Variants in XIRP2 observed in about 807,000 individuals in gnomAD.
XIRP2 encodes xin actin binding repeat containing 2.
XIRP2 carries 236 observed loss-of-function variants against 277.0 expected under a neutral mutation model. That is an observed-to-expected ratio of 0.85 (90% CI 0.77 to 0.95). XIRP2 has a LOEUF of 0.95. Ranked by LOEUF, XIRP2 falls within the 40% of genes least tolerant of loss-of-function variation. The probability of loss-of-function intolerance (pLI) is 0.00; values close to 1 mark genes in which losing one functional copy is unlikely to be tolerated. For synonymous variants in XIRP2, 1,490 were observed against 1,416.5 expected (o/e 1.05, Z -1.17); for missense variants, 4,640 against 4,157.5 (o/e 1.12, Z -3.19).
intron 4 of XIRP2, among the ~76,000 whole-genome samples, chr2:167,217,050 G>A (rs1253533019): frequency 1.0e-4 from 15 of 143,872 alleles, no homozygotes; most frequent in South Asian, 6.7e-4. Flanking sequence ...ACCGAACACC[G>A]CATATTCTCA....
intron 2 of XIRP2, among the ~76,000 whole-genome samples, chr2:167,061,970 GT>G (rs1255892576): frequency 6.6e-6 from 1 of 152,148 alleles, no homozygotes; most frequent in African/African-American, 2.4e-5. Flanking sequence ...AATACACTCA[GT>G]TTTTTGATAA....
At chr2:167,257,573 C>T (rs1695694589) in intron 10 of XIRP2, among the ~76,000 whole-genome samples, 1 of 151,962 alleles carries the variant, frequency 6.6e-6, no homozygotes, top group African/African-American at 2.4e-5. Flanking sequence ...AGCACAAGTT[C>T]AGTCCTATCA....
chr2:167,200,691 CT>C (rs896612635), intron 3 of XIRP2, among the ~76,000 whole-genome samples: 6 of 151,546 alleles, frequency 4.0e-5, no homozygotes, highest in East Asian at 1.9e-4. Context: ...TAGTGTTATT[CT>C]TTTTTTTTCC....
At position 167,244,451 on chromosome 2, in the gene XIRP2, T is replaced by C; in HGVS notation, c.3059T>C (p.Leu1020Pro). The change falls in exon 9 of 11, where the codon CTT becomes CCT. Residue 1020 changes from leucine to proline, a missense_variant. Coordinates refer to ENST00000409195, the MANE Select transcript of XIRP2 (RefSeq NM_152381.6). Reference protein sequence around the residue: ...VRGDVRSCRWLFETRPIDQFD... With the variant: ...VRGDVRSCRWPFETRPIDQFD... ...GGTGATGTAAGAAGCTGTAGGTGGC[T>C]TTTTGAAACAAGGCCCATTGACCAG... The C allele has an allele frequency of 1.2e-6, 2 of 1,613,850 alleles. No homozygotes were observed. The highest frequency in any genetic ancestry group is 1.7e-6 in the Non-Finnish European group (2 of 1,179,840).
chr2:166,997,776 G>T (rs1687262688), intron 2 of XIRP2, among the ~76,000 whole-genome samples: 1 of 151,868 alleles, frequency 6.6e-6, no homozygotes, highest in South Asian at 2.1e-4. Context: ...ATGGTGGCGG[G>T]CACCTGTAGT....
chr2:167,040,561 G>T (rs938592208), intron 2 of XIRP2, among the ~76,000 whole-genome samples: 3 of 152,154 alleles, frequency 2.0e-5, no homozygotes, highest in Admixed American at 2.0e-4. Context: ...CCTGCAAAGA[G>T]TCCAGGTGGT....
At chr2:166,956,868 A>G (rs1221652189) in intron 2 of XIRP2, among the ~76,000 whole-genome samples, 1 of 151,762 alleles carries the variant, frequency 6.6e-6, no homozygotes, top group Non-Finnish European at 1.5e-5. Flanking sequence ...CACAAGACCA[A>G]CCCTAGCTTC....
At chr2:167,066,523 A>G (rs1175304943) in intron 2 of XIRP2, among the ~76,000 whole-genome samples, 1 of 152,086 alleles carries the variant, frequency 6.6e-6, no homozygotes, top group Non-Finnish European at 1.5e-5. Context: ...CTGCTGGTGG[A>G]AATGAAAACT....
chr2:167,238,118 G>T (rs1694954375), intron 5 of XIRP2, among the ~76,000 whole-genome samples: 1 of 152,136 alleles, frequency 6.6e-6, no homozygotes, highest in South Asian at 2.1e-4. Flanking sequence ...TCGCAAGTAG[G>T]TGTTTGAATA....
At chr2:167,095,387 G>T (rs1376786068) in intron 2 of XIRP2, among the ~76,000 whole-genome samples, 1 of 152,076 alleles carries the variant, frequency 6.6e-6, no homozygotes, top group African/African-American at 2.4e-5. Flanking sequence ...TACTTTTCTT[G>T]TGCCGGTTTT....
At chr2:167,255,802 A>G (rs1406944230) in intron 10 of XIRP2, among the ~76,000 whole-genome samples, 1 of 151,780 alleles carries the variant, frequency 6.6e-6, no homozygotes, top group African/African-American at 2.4e-5. Flanking sequence ...ACTCTTCTAA[A>G]CTCTTCATGG....
chr2:166,911,187 T>A (rs1022159529), intron 2 of XIRP2, among the ~76,000 whole-genome samples: 9 of 152,184 alleles, frequency 5.9e-5, no homozygotes, highest in African/African-American at 2.2e-4. Context: ...TCTGTCTCAT[T>A]GATCTGTCTA....
chr2:167,151,540 T>A (rs1333881727), intron 3 of XIRP2, among the ~76,000 whole-genome samples: 1 of 152,116 alleles, frequency 6.6e-6, no homozygotes, highest in African/African-American at 2.4e-5. Context: ...TTAACACCAA[T>A]TATATGTATG....
At chr2:167,058,575 T>C (rs1425886347) in intron 2 of XIRP2, among the ~76,000 whole-genome samples, 1 of 152,208 alleles carries the variant, frequency 6.6e-6, no homozygotes, top group African/African-American at 2.4e-5. Context: ...TGACAAGTCC[T>C]TCCTCTCAGT....
chr2:167,097,168 G>C (rs1690345136), intron 2 of XIRP2, among the ~76,000 whole-genome samples: 1 of 152,234 alleles, frequency 6.6e-6, no homozygotes, highest in Middle Eastern at 3.4e-3. Flanking sequence ...CACTGTTATT[G>C]AGTGGGAGGC....
chr2:167,252,334 A>G (rs1379801458), intron 9 of XIRP2, among the ~76,000 whole-genome samples: 1 of 152,010 alleles, frequency 6.6e-6, no homozygotes, highest in Non-Finnish European at 1.5e-5. Context: ...CCAGGTTTAA[A>G]TGATATTTGC....
At chr2:167,012,705 T>C (rs1001977611) in intron 2 of XIRP2, among the ~76,000 whole-genome samples, 3 of 151,510 alleles carry the variant, frequency 2.0e-5, no homozygotes, top group African/African-American at 7.3e-5. Flanking sequence ...AGATTCCTTC[T>C]TTCTTCATTG....
chr2:166,898,140 C>A (rs1489209095), intron 1 of XIRP2, among the ~76,000 whole-genome samples: 1 of 152,042 alleles, frequency 6.6e-6, no homozygotes, highest in Non-Finnish European at 1.5e-5. Flanking sequence ...CTGCTGATAC[C>A]CAGCCCAGGT....
intron 2 of XIRP2, among the ~76,000 whole-genome samples, chr2:167,016,889 G>GA (rs1483112661): frequency 2.0e-5 from 3 of 151,814 alleles, no homozygotes; most frequent in Non-Finnish European, 4.4e-5. Flanking sequence ...GAAGAAATGA[G>GA]AAAAAAGAAC....
Sources: allele counts gnomAD v4.1 joint callset (sites outside exome capture counted in the v4.1 genomes callset), GRCh38; gene constraint gnomAD v4.1.1; transcripts MANE v1.5; gene names NCBI Gene and HGNC (gene_info 2026-07-23, HGNC 2026-07-21).